The following PIK3C2B variants were observed in gnomAD, a reference collection of about 807,000 sequenced individuals.
PIK3C2B encodes the protein phosphatidylinositol-4-phosphate 3-kinase catalytic subunit type 2 beta, also known as phosphatidylinositol 4-phosphate 3-kinase C2 domain-containing subunit beta.
In PIK3C2B, 83 loss-of-function variants were observed where a neutral mutation model predicts 184.3. The ratio of observed to expected loss-of-function variants is 0.45; its 90% CI spans 0.38 to 0.54. PIK3C2B has a LOEUF of 0.54. Ranked by LOEUF, PIK3C2B falls within the 20% of genes least tolerant of loss-of-function variation. The pLI, the probability that PIK3C2B is intolerant of heterozygous loss-of-function variation, is 0.00. For missense variants in PIK3C2B, 1,736 were observed against 2,113.5 expected, an observed-to-expected ratio of 0.82 and a Z score of 3.50; for synonymous variants, 779 against 837.6, an observed-to-expected ratio of 0.93 and a Z score of 1.21.
At chr1:204,462,911 C>T (rs780787917) in intron 5 of PIK3C2B, among the ~76,000 whole-genome samples, 3 of 151,834 alleles carry the variant, frequency 2.0e-5, no homozygotes, top group African/African-American at 4.9e-5. Context: ...AAAAATTAGC[C>T]GGGCGTGGTG....
intron 12 of PIK3C2B, 188 bp downstream of exon 12, chr1:204,454,481 C>CA (rs577930655): frequency 0.046 from 11,973 of 257,772 alleles, 46 homozygotes; most frequent in East Asian, 0.054. Flanking sequence ...GGCTGCCTCT[C>CA]AAAAAAAAAA....
At position 204,433,684 on chromosome 1, in the gene PIK3C2B, G is replaced by T; in HGVS notation, c.3843+109C>A. 2 of 1,086,292 alleles carry T rather than the reference G, an allele frequency of 1.8e-6. No individual in the cohort carries two copies. Among genetic ancestry groups the T allele is most frequent in the Non-Finnish European group, 1.4e-6 (1 of 722,766 alleles). The allele number at this position is 1,086,292 out of a possible 1,614,324, so 67.3% of individuals were successfully genotyped here. A position where few individuals can be genotyped will look rare whatever the true frequency, so the allele number is the denominator to read the frequency against. On this transcript the variant is annotated intron_variant, in intron 25 of 32. Coordinates refer to ENST00000684373, the MANE Select transcript of PIK3C2B (RefSeq NM_001377334.1). This position sits in a 1 kb window ranked among gnomAD's most constrained non-coding sequence, Gnocchi z 5.0. ...CTAGGGCAGGCAGGTATTCAGTTGG[G>T]GCTCAGAGAGGTAAATCTCTAGAAA...
At chr1:204,443,988 T>G in intron 18 of PIK3C2B, 80 bp downstream of exon 18, 1 of 987,456 alleles carries the variant, frequency 1.0e-6, no homozygotes, top group Non-Finnish European at 1.6e-6. Context: ...CTCAGTTCCT[T>G]GCCCTTGCGT....
intron 22 of PIK3C2B, among the ~76,000 whole-genome samples, chr1:204,439,332 T>A (rs1675518990): frequency 6.6e-6 from 1 of 152,168 alleles, no homozygotes; most frequent in Non-Finnish European, 1.5e-5. Flanking sequence ...AATTTGAAAA[T>A]ATATATAAGA....
intron 28 of PIK3C2B, among the ~76,000 whole-genome samples, chr1:204,430,613 G>C (rs1289640357): frequency 6.6e-6 from 1 of 151,980 alleles, no homozygotes; most frequent in Non-Finnish European, 1.5e-5. Flanking sequence ...AAAGTGCTGG[G>C]ATTACAGGCA....
At chr1:204,457,608 G>A (rs1214768141) in intron 9 of PIK3C2B, 120 bp downstream of exon 9, 1 of 887,428 alleles carries the variant, frequency 1.1e-6, no homozygotes, top group African/African-American at 1.7e-5. Flanking sequence ...ATAAAAGATG[G>A]AGGTGGAGAG....
At chr1:204,431,944 C>T in intron 27 of PIK3C2B, 151 bp from the exon 28 acceptor site, 1 of 898,846 alleles carries the variant, frequency 1.1e-6, no homozygotes, top group Non-Finnish European at 1.8e-6. Context: ...ATAGCACATA[C>T]ACAGGAATCT....
At chr1:204,450,048 G>C in intron 12 of PIK3C2B, 31 bp from the exon 13 acceptor site, 1 of 1,516,400 alleles carries the variant, frequency 6.6e-7, no homozygotes, top group South Asian at 1.3e-5. Flanking sequence ...AATTAGGAGG[G>C]GCCACTCCTG....
At chr1:204,459,574 TG>T (rs1037924024) in intron 8 of PIK3C2B, among the ~76,000 whole-genome samples, 2 of 152,136 alleles carry the variant, frequency 1.3e-5, no homozygotes. Flanking sequence ...GTGCAGCAGC[TG>T]GGGGGTGACA....
intron 23 of PIK3C2B, among the ~76,000 whole-genome samples, 153 bp downstream of exon 23, chr1:204,438,782 T>C (rs61763426): frequency 4.6e-5 from 7 of 152,280 alleles, no homozygotes; most frequent in African/African-American, 1.2e-4. Context: ...CCCCAGATAT[T>C]TGGAGGCACC....
At chr1:204,456,884 ACACACACACACACACACACACACC>A (rs1448934070) in intron 10 of PIK3C2B, among the ~76,000 whole-genome samples, 129 bp downstream of exon 10, 26 of 70,734 alleles carry the variant, frequency 3.7e-4, no homozygotes, top group African/African-American at 1.0e-3. Flanking sequence ...ACACACACAC[ACACACACACACACACACACACACC>A]CACACACACA....
intron 1 of PIK3C2B, among the ~76,000 whole-genome samples, chr1:204,488,034 T>C (rs1354474458): frequency 2.6e-5 from 4 of 152,356 alleles, no homozygotes; most frequent in Middle Eastern, 3.4e-3. Context: ...ATTAACTCAT[T>C]TCATTTTACA....
intron 21 of PIK3C2B, among the ~76,000 whole-genome samples, chr1:204,441,111 A>C (rs1271823657): frequency 1.3e-5 from 2 of 152,194 alleles, no homozygotes; most frequent in Non-Finnish European, 2.9e-5. Flanking sequence ...TTGGACCTGC[A>C]CCTGATATAT....
intron 8 of PIK3C2B, among the ~76,000 whole-genome samples, chr1:204,459,576 G>T (rs1285986058): frequency 1.3e-5 from 2 of 152,170 alleles, no homozygotes; most frequent in Non-Finnish European, 2.9e-5. Flanking sequence ...GCAGCAGCTG[G>T]GGGGTGACAG....
At chr1:204,426,305 C>T (rs1674737328) in intron 31 of PIK3C2B, among the ~76,000 whole-genome samples, 1 of 152,208 alleles carries the variant, frequency 6.6e-6, no homozygotes, top group Non-Finnish European at 1.5e-5. Flanking sequence ...CCTCATCATC[C>T]ACTCCTCTCG....
chr1:204,446,619 T>C (rs1047911838), intron 15 of PIK3C2B, among the ~76,000 whole-genome samples: 3 of 151,630 alleles, frequency 2.0e-5, no homozygotes, highest in Non-Finnish European at 2.9e-5. Flanking sequence ...TCCTGGGGCC[T>C]CCAGGGACCA....
intron 23 of PIK3C2B, among the ~76,000 whole-genome samples, chr1:204,438,366 C>G (rs1314636250): frequency 6.6e-6 from 1 of 152,192 alleles, no homozygotes; most frequent in African/African-American, 2.4e-5. Context: ...AGCTCCACTT[C>G]TAATCTAATC....
At chr1:204,489,413 C>T (rs1477335513) in intron 1 of PIK3C2B, among the ~76,000 whole-genome samples, 16 of 151,854 alleles carry the variant, frequency 1.1e-4, no homozygotes, top group Admixed American at 1.0e-3. Flanking sequence ...CTCAAGTGAT[C>T]ATCCCATGTC....
At chr1:204,441,245 C>A (rs1185784753) in intron 21 of PIK3C2B, among the ~76,000 whole-genome samples, 1 of 152,208 alleles carries the variant, frequency 6.6e-6, no homozygotes, top group Non-Finnish European at 1.5e-5. Context: ...GAAAGCACTT[C>A]GGGATACTGA....
Sources: allele counts gnomAD v4.1 joint callset (sites outside exome capture counted in the v4.1 genomes callset), GRCh38; gene constraint gnomAD v4.1.1; non-coding constraint Gnocchi (gnomAD v3.1); transcripts MANE v1.5; gene names NCBI Gene and HGNC (gene_info 2026-07-23, HGNC 2026-07-21).